The following PRR16 variants were observed in gnomAD, a reference collection of about 807,000 sequenced individuals.
PRR16 encodes protein Largen.
PRR16 carries 6 observed loss-of-function variants against 18.2 expected under a neutral mutation model. The observed-to-expected ratio is 0.33, with a 90% confidence interval of 0.18 to 0.65. The LOEUF is 0.65. Ranked by LOEUF, PRR16 falls within the 30% of genes least tolerant of loss-of-function variation. The pLI is 0.74. For synonymous variants in PRR16, 151 were observed against 147.8 expected (o/e 1.02, Z -0.16); for missense variants, 412 against 376.6 (o/e 1.09, Z -0.78).
the PRR16 span, among the ~76,000 whole-genome samples, chr5:120,700,558 A>G: frequency 3.8e-3 from 572 of 152,184 alleles, 1 homozygote; most frequent in Non-Finnish European, 5.8e-3. Flanking sequence ...AAAGTGTCTC[A>G]GCCTAATAAG....
chr5:120,587,390 A>G (rs1445986450), intron 1 of PRR16, among the ~76,000 whole-genome samples: 2 of 152,194 alleles, frequency 1.3e-5, no homozygotes, highest in African/African-American at 2.4e-5. Flanking sequence ...GGACTTTCAT[A>G]GCTGGAGAGA....
chr5:120,625,718 G>A (rs184744736), intron 1 of PRR16, among the ~76,000 whole-genome samples: 73 of 152,154 alleles, frequency 4.8e-4, no homozygotes, highest in African/African-American at 1.6e-3. Context: ...TCAAGAGTGA[G>A]GTTTGCACCT....
intron 1 of PRR16, among the ~76,000 whole-genome samples, chr5:120,556,457 C>T (rs1752416532): frequency 6.6e-6 from 1 of 151,676 alleles, no homozygotes; most frequent in South Asian, 2.1e-4. Flanking sequence ...TCTCTGCTTT[C>T]CAGTATACAT....
intron 1 of PRR16, among the ~76,000 whole-genome samples, chr5:120,507,137 C>G (rs1394925075): frequency 6.6e-6 from 1 of 152,024 alleles, no homozygotes; most frequent in Admixed American, 6.6e-5. Context: ...GAGAATATAT[C>G]TAGAATCCCT....
intron 1 of PRR16, among the ~76,000 whole-genome samples, chr5:120,602,011 G>A (rs1224018888): frequency 6.6e-6 from 1 of 151,656 alleles, no homozygotes; most frequent in Non-Finnish European, 1.5e-5. Flanking sequence ...GGCCCAGCCT[G>A]GTACTTTTTG....
intron 1 of PRR16, among the ~76,000 whole-genome samples, chr5:120,519,580 C>G (rs189115947): frequency 2.6e-5 from 4 of 152,206 alleles, no homozygotes; most frequent in Non-Finnish European, 4.4e-5. Flanking sequence ...AATTCCACAT[C>G]ATATGATGTT....
At chr5:120,613,551 A>T (rs1754404592) in intron 1 of PRR16, among the ~76,000 whole-genome samples, 1 of 152,080 alleles carries the variant, frequency 6.6e-6, no homozygotes, top group Non-Finnish European at 1.5e-5. Context: ...CATAATAAAA[A>T]TTTTTAGTAT....
At chr5:120,465,055 A>T (rs1419686060) in intron 1 of PRR16, among the ~76,000 whole-genome samples, 1 of 151,970 alleles carries the variant, frequency 6.6e-6, no homozygotes, top group Non-Finnish European at 1.5e-5. Flanking sequence ...TCCGCTGCCT[A>T]TCTGTCAGCC....
chr5:120,767,016 A>C, the PRR16 span, among the ~76,000 whole-genome samples: 1 of 151,966 alleles, frequency 6.6e-6, no homozygotes, highest in African/African-American at 2.4e-5. Flanking sequence ...TCTGATGTAA[A>C]AACACTAATA....
At chr5:120,604,186 C>G (rs767853736) in intron 1 of PRR16, among the ~76,000 whole-genome samples, 8 of 151,710 alleles carry the variant, frequency 5.3e-5, no homozygotes, top group South Asian at 2.1e-4. Flanking sequence ...TTGTGGTTAT[C>G]TAATTCTCTG....
chr5:120,667,165 A>G (rs1305455025), intron 1 of PRR16, among the ~76,000 whole-genome samples: 1 of 151,966 alleles, frequency 6.6e-6, no homozygotes, highest in African/African-American at 2.4e-5. Flanking sequence ...CAGAGATTCA[A>G]CTTCTTCCTG....
intron 1 of PRR16, among the ~76,000 whole-genome samples, chr5:120,532,246 G>A (rs1751575431): frequency 6.6e-6 from 1 of 152,026 alleles, no homozygotes; most frequent in African/African-American, 2.4e-5. Flanking sequence ...TTATACAAGT[G>A]TTTGGAAAAA....
the PRR16 span, among the ~76,000 whole-genome samples, chr5:120,699,631 G>A: frequency 6.6e-6 from 1 of 152,178 alleles, no homozygotes; most frequent in African/African-American, 2.4e-5. Flanking sequence ...AGCATAGTTT[G>A]TGACTTTGAG....
At chr5:120,785,572 G>GTTTTTTTTTTTTTTTTTTTT in the PRR16 span, among the ~76,000 whole-genome samples, 386 of 119,882 alleles carry the variant, frequency 3.2e-3, 72 homozygotes, top group Middle Eastern at 4.4e-3. Context: ...TTTTGTTGTT[G>GTTTTTTTTTTTTTTTTTTTT]TTGTTTTTTT....
At chr5:120,794,432 G>C in the PRR16 span, among the ~76,000 whole-genome samples, 1 of 152,014 alleles carries the variant, frequency 6.6e-6, no homozygotes, top group East Asian at 1.9e-4. Context: ...GCTATTTCAA[G>C]CATATGCATC....
chr5:120,627,669 C>T (rs1220197427), intron 1 of PRR16, among the ~76,000 whole-genome samples: 1 of 152,052 alleles, frequency 6.6e-6, no homozygotes, highest in Non-Finnish European at 1.5e-5. Context: ...ATTGTGCTGG[C>T]TGGCCATACA....
chr5:120,492,721 G>A (rs181622061), intron 1 of PRR16, among the ~76,000 whole-genome samples: 11 of 151,996 alleles, frequency 7.2e-5, no homozygotes, highest in Admixed American at 2.0e-4. Context: ...CCTTGACATC[G>A]CCCATGAGTC....
rs564186240 is a variant in PRR16 at position 120,521,652 on chromosome 5, A to G, written c.159+57007A>G. On this transcript the variant is annotated intron_variant, in intron 1 of 1. Transcript: ENST00000407149. ...CATTTATCACTTCTTTGTGGTAATAACATTCAAAATCTCTTCTTCTTTTCT... is the reference window on the plus strand; with the variant it reads ...CATTTATCACTTCTTTGTGGTAATAGCATTCAAAATCTCTTCTTCTTTTCT... 7.9e-5 allele frequency among the ~76,000 whole-genome samples: 12 copies of G among 152,262 alleles called. No individual in the cohort carries two copies. The South Asian group carries it at 2.5e-3, about 32-fold the overall frequency.
At chr5:120,618,793 T>C (rs1204163293) in intron 1 of PRR16, among the ~76,000 whole-genome samples, 1 of 151,964 alleles carries the variant, frequency 6.6e-6, no homozygotes, top group Non-Finnish European at 1.5e-5. Flanking sequence ...ACCTCGAAGC[T>C]ATACAACTCT....
Sources: gnomAD v4.1 joint callset for allele counts (sites outside exome capture counted in the v4.1 genomes callset) on GRCh38, gnomAD v4.1.1 for gene constraint, MANE v1.5 for transcripts, NCBI Gene and HGNC (gene_info 2026-07-23, HGNC 2026-07-21) for gene names.